Variants in FHIP1A observed in about 807,000 individuals in gnomAD.
The protein encoded by FHIP1A is FHF complex subunit HOOK interacting protein 1A.
Under a neutral mutation model 88.6 loss-of-function variants are expected in FHIP1A, and 61 were observed. The observed-to-expected ratio is 0.69, with a 90% confidence interval of 0.56 to 0.85. FHIP1A has a LOEUF of 0.85. Ranked by LOEUF, FHIP1A falls within the 40% of genes least tolerant of loss-of-function variation. The pLI, the probability that FHIP1A is intolerant of heterozygous loss-of-function variation, is 0.00. For synonymous variants in FHIP1A, 478 were observed against 496.0 expected, an observed-to-expected ratio of 0.96 and a Z score of 0.48; for missense variants, 1,154 against 1,273.5, an observed-to-expected ratio of 0.91 and a Z score of 1.43.
intron 2 of FHIP1A, among the ~76,000 whole-genome samples, chr4:151,455,331 A>G (rs1028760314): frequency 6.6e-6 from 1 of 152,218 alleles, no homozygotes; most frequent in Admixed American, 6.5e-5. Flanking sequence ...TAAGAACTCT[A>G]AAAACCTTGC....
intron 7 of FHIP1A, among the ~76,000 whole-genome samples, chr4:151,605,800 G>C (rs2126837052): frequency 6.6e-6 from 1 of 152,340 alleles, no homozygotes; most frequent in South Asian, 2.1e-4. Flanking sequence ...TTGGGGACTA[G>C]AGAAGTAAAG....
intron 3 of FHIP1A, among the ~76,000 whole-genome samples, chr4:151,515,895 G>T (rs1440653948): frequency 1.3e-5 from 2 of 152,052 alleles, no homozygotes; most frequent in East Asian, 1.9e-4. Flanking sequence ...TATAGATTCA[G>T]TGCCATCCCC....
intron 3 of FHIP1A, among the ~76,000 whole-genome samples, chr4:151,487,824 A>G (rs1297511192): frequency 1.3e-5 from 2 of 152,246 alleles, no homozygotes; most frequent in African/African-American, 4.8e-5. Context: ...ATTAATGGAG[A>G]TGGAATTCAA....
intron 3 of FHIP1A, among the ~76,000 whole-genome samples, chr4:151,501,491 G>A (rs2126663065): frequency 6.6e-6 from 1 of 151,416 alleles, no homozygotes; most frequent in Non-Finnish European, 1.5e-5. Context: ...TTTAAATTAT[G>A]GCCATTGTAG....
chr4:151,458,952 C>G (rs1183488500), intron 2 of FHIP1A, among the ~76,000 whole-genome samples: 1 of 152,100 alleles, frequency 6.6e-6, no homozygotes, highest in Non-Finnish European at 1.5e-5. Context: ...ACCAGCACCA[C>G]CAAAATATTT....
intron 1 of FHIP1A, among the ~76,000 whole-genome samples, chr4:151,431,500 C>T (rs532421793): frequency 5.3e-5 from 8 of 152,202 alleles, no homozygotes; most frequent in South Asian, 4.2e-4. Flanking sequence ...ACCTGACTGT[C>T]GTGCCATTTC....
At chr4:151,422,403 G>A (rs1561488261) in intron 1 of FHIP1A, among the ~76,000 whole-genome samples, 1 of 149,802 alleles carries the variant, frequency 6.7e-6, no homozygotes, top group African/African-American at 2.4e-5. Flanking sequence ...TTTTTTTAAT[G>A]AGAGAGAGAG....
chr4:151,578,142 A>T, intron 5 of FHIP1A, 66 bp downstream of exon 5: 1 of 1,387,044 alleles, frequency 7.2e-7, no homozygotes, highest in Non-Finnish European at 9.7e-7. Flanking sequence ...CTAGTGATGA[A>T]TACTTTCTTA....
chr4:151,601,824 C>T (rs763223977), intron 7 of FHIP1A, among the ~76,000 whole-genome samples: 39 of 151,724 alleles, frequency 2.6e-4, no homozygotes, highest in African/African-American at 7.3e-4. Flanking sequence ...TCCATTTTCA[C>T]GCTGCTGATA....
At chr4:151,521,207 T>C (rs773577598) in intron 3 of FHIP1A, among the ~76,000 whole-genome samples, 4 of 152,208 alleles carry the variant, frequency 2.6e-5, no homozygotes, top group African/African-American at 4.8e-5. Flanking sequence ...TAACAATTTA[T>C]CCACTTAGAG....
At chr4:151,584,943 G>A (rs115293593) in intron 5 of FHIP1A, among the ~76,000 whole-genome samples, 1,709 of 152,050 alleles carry the variant, frequency 0.011, 11 homozygotes, top group Non-Finnish European at 0.018. Context: ...GCCAACCCTC[G>A]AAATCTGAGT....
chr4:151,446,856 T>C (rs1728628333), intron 1 of FHIP1A, among the ~76,000 whole-genome samples: 1 of 152,144 alleles, frequency 6.6e-6, no homozygotes, highest in Non-Finnish European at 1.5e-5. Context: ...TTTGGAGGTA[T>C]CAGTCCACAG....
Position 151,443,685 on chromosome 4 carries a change from CTGTGTG to C in FHIP1A, c.-355-10982_-355-10977del, listed in dbSNP as rs57147339. ...GAGTGAGAATTCTAAATGAAGCACTCTGTGTGTGTGTGTGTGTGTGTGTGTGTGTGT... is the reference window on the plus strand; with the variant it reads ...GAGTGAGAATTCTAAATGAAGCACTCTGTGTGTGTGTGTGTGTGTGTGTGT... On this transcript the variant is annotated intron_variant, in intron 1 of 13. Transcript: ENST00000435205. 4.4e-4 allele frequency among the ~76,000 whole-genome samples: 54 copies of C among 122,160 alleles called. 1 individual carries two copies. The highest frequency in any genetic ancestry group is 8.6e-4 in the South Asian group (3 of 3,478). The allele number at this position is 122,160 out of a possible 152,430, so 80.1% of individuals were successfully genotyped here.
chr4:151,653,386 C>T (rs1737106828), intron 11 of FHIP1A, among the ~76,000 whole-genome samples: 1 of 152,010 alleles, frequency 6.6e-6, no homozygotes, highest in South Asian at 2.1e-4. Flanking sequence ...CTCCCCCTCC[C>T]TCTCCCTCTC....
chr4:151,632,050 C>T (rs1358117749), intron 8 of FHIP1A, among the ~76,000 whole-genome samples: 1 of 152,000 alleles, frequency 6.6e-6, no homozygotes, highest in Non-Finnish European at 1.5e-5. Context: ...GTCTAAAAGA[C>T]ACTCACTTTC....
In FHIP1A at chr4:151,637,486, C is replaced by T. The variant is rs146721672; in HGVS notation, c.1147-1191C>T. Among the ~76,000 whole-genome samples, 1,348 of 152,256 alleles carry T rather than the reference C, an allele frequency of 8.9e-3. 71 individuals carry two copies. Among genetic ancestry groups the T allele is most frequent in the Admixed American group, 0.074 (1,125 of 15,280 alleles). ...ATAAAAAGATAAATACACCCTGCTG[C>T]TCACCCTTAACAGTGAGCGGTAGGG... On this transcript the variant is annotated intron_variant, in intron 8 of 13. Transcript: ENST00000435205.
intron 1 of FHIP1A, among the ~76,000 whole-genome samples, chr4:151,416,464 C>A (rs953351762): frequency 6.6e-6 from 1 of 151,992 alleles, no homozygotes; most frequent in African/African-American, 2.4e-5. Context: ...AATGTAATTT[C>A]TATACACACA....
intron 3 of FHIP1A, among the ~76,000 whole-genome samples, chr4:151,508,294 C>A (rs1156749505): frequency 6.6e-6 from 1 of 152,164 alleles, no homozygotes; most frequent in Non-Finnish European, 1.5e-5. Context: ...ACAAAGCAGG[C>A]ACAATAATTT....
At chr4:151,573,944 G>A (rs72728190) in intron 4 of FHIP1A, among the ~76,000 whole-genome samples, 4,253 of 152,306 alleles carry the variant, frequency 0.028, 71 homozygotes, top group East Asian at 0.087. Flanking sequence ...TGGGACAGAA[G>A]TTCTTTGGCA....
Sources: gnomAD v4.1 joint callset for allele counts (sites outside exome capture counted in the v4.1 genomes callset) on GRCh38, gnomAD v4.1.1 for gene constraint, MANE v1.5 for transcripts, NCBI Gene and HGNC (gene_info 2026-07-23, HGNC 2026-07-21) for gene names.